Variants in BCL11A observed in about 807,000 individuals in gnomAD.
The protein encoded by BCL11A is B cell CLL/lymphoma 11A.
BCL11A carries 2 observed loss-of-function variants against 55.9 expected under a neutral mutation model. That is an observed-to-expected ratio of 0.04 (90% CI 0.01 to 0.11). The LOEUF is 0.11. Among genes scored for constraint, BCL11A ranks in the 10% least tolerant of loss-of-function variants. The probability of loss-of-function intolerance (pLI) is 1.00; values close to 1 mark genes in which losing one functional copy is unlikely to be tolerated. For synonymous variants in BCL11A, 465 were observed against 473.4 expected, an observed-to-expected ratio of 0.98 and a Z score of 0.23; for missense variants, 817 against 1,137.1, an observed-to-expected ratio of 0.72 and a Z score of 4.05.
downstream of BCL11A, among the ~76,000 whole-genome samples, chr2:60,454,282 A>G (rs557578354): frequency 2.6e-5 from 4 of 152,248 alleles, no homozygotes; most frequent in South Asian, 8.3e-4. Context: ...GGGTTCGTTT[A>G]TTTTCTATTG....
At chr2:60,517,129 T>C (rs1668766889) in intron 2 of BCL11A, among the ~76,000 whole-genome samples, 1 of 152,160 alleles carries the variant, frequency 6.6e-6, no homozygotes, top group Non-Finnish European at 1.5e-5. Flanking sequence ...AAAGGAAGGA[T>C]TTCCTGCGAT....
intron 2 of BCL11A, chr2:60,537,688 T>C (rs924128480): frequency 6.6e-6 from 1 of 152,262 alleles, no homozygotes; most frequent in Non-Finnish European, 1.5e-5. Context: ...GCAGCCTTTT[T>C]ATGCATCATT....
In BCL11A at chr2:60,501,845, C is replaced by T. The variant is rs956031152; in HGVS notation, c.386-33012G>A. On this transcript the variant is annotated intron_variant, in intron 2 of 3. Transcript: ENST00000642384. ...TAATTACAGCAGTGTGCTCATCTCA[C>T]ATAAAAATTTAAGACGGGAAAACAG... Among the ~76,000 whole-genome samples the T allele has an allele frequency of 6.6e-5, 10 of 152,102 alleles. No homozygotes were observed. The East Asian group carries it at 1.9e-3, about 29-fold the overall frequency.
At chr2:60,536,182 AT>A (rs1252132408) in intron 2 of BCL11A, 1 of 152,188 alleles carries the variant, frequency 6.6e-6, no homozygotes, top group African/African-American at 2.4e-5. Context: ...TGGGGATTTC[AT>A]TTGAACTGCT....
In BCL11A at chr2:60,458,504, T is replaced by G. The variant is rs1386504944; in HGVS notation, c.*1900A>C. 1 of 1,033,546 alleles carries G rather than the reference T, an allele frequency of 9.7e-7. No homozygotes were observed. Among genetic ancestry groups the G allele is most frequent in the Non-Finnish European group, 1.2e-6 (1 of 858,554 alleles). 64.0% of individuals were successfully genotyped at this position (1,033,546 alleles called of 1,614,324 possible). ...TGCACTGTAGAAGCGAAAGCAATCA[T>G]TCATTTCTATGTTAAGTGTATTCTG... is the stretch of plus-strand genomic sequence containing the variant. On this transcript the variant is annotated 3_prime_UTR_variant, in exon 4 of 4. Coordinates refer to ENST00000642384, the MANE Select transcript of BCL11A (RefSeq NM_022893.4).
chr2:60,539,512 G>T (rs1669825202), intron 2 of BCL11A, among the ~76,000 whole-genome samples: 1 of 152,200 alleles, frequency 6.6e-6, no homozygotes, highest in Non-Finnish European at 1.5e-5. Flanking sequence ...AGGGAGTGCA[G>T]CTGGCCAGTA....
intron 2 of BCL11A, among the ~76,000 whole-genome samples, chr2:60,500,655 T>C (rs1046664432): frequency 1.3e-5 from 2 of 152,144 alleles, no homozygotes; most frequent in Non-Finnish European, 2.9e-5. Flanking sequence ...CCTCCACCAG[T>C]TAAGGTATAA....
chr2:60,482,618 C>A (rs901982765), intron 2 of BCL11A, among the ~76,000 whole-genome samples: 2 of 152,220 alleles, frequency 1.3e-5, no homozygotes, highest in Non-Finnish European at 2.9e-5. Flanking sequence ...CATTTTCAGA[C>A]TTGGAAAGTT....
chr2:60,506,063 G>C (rs1679572024), intron 2 of BCL11A, among the ~76,000 whole-genome samples: 1 of 152,212 alleles, frequency 6.6e-6, no homozygotes, highest in Non-Finnish European at 1.5e-5. Context: ...CGAGAAGATA[G>C]TGAATCACTC....
At chr2:60,452,662 A>G, downstream of BCL11A, 1 of 1,613,500 alleles carries the variant, frequency 6.2e-7, no homozygotes, top group Non-Finnish European at 8.5e-7. Flanking sequence ...GGGTGTGTGA[A>G]GAACCTAGAA....
intron 2 of BCL11A, among the ~76,000 whole-genome samples, chr2:60,491,438 C>T (rs982603773): frequency 2.0e-5 from 3 of 152,016 alleles, no homozygotes; most frequent in Admixed American, 1.3e-4. Flanking sequence ...TTTGGGAGGC[C>T]GGGGCAGGAG....
Position 60,461,320 on chromosome 2 carries a change from C to G in BCL11A, c.1592G>C (p.Gly531Ala). 1.3e-6 allele frequency: 2 copies of G among 1,599,716 alleles called. No homozygotes were observed. The highest frequency in any genetic ancestry group is 1.7e-6 in the Non-Finnish European group (2 of 1,177,904). The change falls in exon 4 of 4, where the codon GGC becomes GCC. Residue 531 changes from glycine to alanine, a missense_variant. Gly to Ala is a moderately conservative substitution (Grantham distance 60). Coordinates refer to ENST00000642384, the MANE Select transcript of BCL11A (RefSeq NM_022893.4). ...CTCGTCGCCCACGCCCACGACCGCG[C>G]CCCGCGAGCTGTTCTCGTGGTGGCG... is the stretch of plus-strand genomic sequence containing the variant. ...AARHHENSSR[G>A]AVVGVGDESR...
intron 2 of BCL11A, among the ~76,000 whole-genome samples, chr2:60,509,232 A>G (rs190984561): frequency 2.4e-3 from 364 of 152,338 alleles, no homozygotes; most frequent in Non-Finnish European, 4.2e-3. Flanking sequence ...GGATTCCAAG[A>G]ATTTTTTTAC....
At chr2:60,522,748 C>T (rs532796614) in intron 2 of BCL11A, 1 of 152,334 alleles carries the variant, frequency 6.6e-6, no homozygotes, top group Non-Finnish European at 1.5e-5. Context: ...GTGTTCAGAA[C>T]TGGAATTCAT....
chr2:60,493,496 T>C (rs1678768167), intron 2 of BCL11A, among the ~76,000 whole-genome samples: 1 of 152,008 alleles, frequency 6.6e-6, no homozygotes, highest in African/African-American at 2.4e-5. Flanking sequence ...AATGTCATCC[T>C]ATTCCGAATA....
chr2:60,505,650 C>A (rs1314905284), intron 2 of BCL11A, among the ~76,000 whole-genome samples: 1 of 152,222 alleles, frequency 6.6e-6, no homozygotes, highest in Non-Finnish European at 1.5e-5. Context: ...TTCAGGCTGC[C>A]AGAGCAAGAG....
At chr2:60,507,141 AACAG>A (rs1003782577) in intron 2 of BCL11A, among the ~76,000 whole-genome samples, 1 of 151,312 alleles carries the variant, frequency 6.6e-6, no homozygotes. Flanking sequence ...ATAATATCCC[AACAG>A]ACAGAGGGCC....
rs1021224616 is a variant in BCL11A at position 60,515,181 on chromosome 2, A to G, written c.385+30790T>C. Among the ~76,000 whole-genome samples the G allele has an allele frequency of 1.2e-4, 19 of 152,294 alleles. No homozygotes were observed. In the South Asian group the frequency reaches 2.7e-3, roughly 22 times the overall value. On this transcript the variant is annotated intron_variant, in intron 2 of 3. Coordinates refer to ENST00000642384, the MANE Select transcript of BCL11A (RefSeq NM_022893.4). ...TGCAAGCAGAGTTCACTGCTTGACC[A>G]TGGGGTGAAAGCCACAAAGACACCA...
intron 2 of BCL11A, chr2:60,522,851 T>C (rs1453435856): frequency 1.1e-4 from 16 of 152,264 alleles, no homozygotes; most frequent in Non-Finnish European, 1.5e-5. Context: ...ATATGTCAGT[T>C]ATGTTCCAAA....
Sources: gnomAD v4.1 joint callset for allele counts (sites outside exome capture counted in the v4.1 genomes callset) on GRCh38, gnomAD v4.1.1 for gene constraint, MANE v1.5 for transcripts, NCBI Gene and HGNC (gene_info 2026-07-23, HGNC 2026-07-21) for gene names.